The following CEP128 variants were observed in gnomAD, a reference collection of about 807,000 sequenced individuals.
The protein encoded by CEP128 is centrosomal protein 128kDa.
A neutral mutation model predicts 156.7 loss-of-function variants in CEP128; 132 were observed. The observed-to-expected ratio is 0.84, with a 90% confidence interval of 0.73 to 0.97. The LOEUF (loss-of-function observed/expected upper bound fraction) is 0.97, where lower values mean the gene tolerates loss of function less well. Ranked by LOEUF, CEP128 falls within the 50% of genes least tolerant of loss-of-function variation. The pLI, the probability that CEP128 is intolerant of heterozygous loss-of-function variation, is 0.00. For missense variants in CEP128, 1,252 were observed against 1,281.9 expected, an observed-to-expected ratio of 0.98 and a Z score of 0.36; for synonymous variants, 469 against 448.9, an observed-to-expected ratio of 1.04 and a Z score of -0.57.
rs374700489 is a variant in CEP128 at position 80,899,981 on chromosome 14, G to A, written c.529C>T (p.Arg177Cys). ...TCCCTGTTGAAATCATCTCCAAGGC[G>A]AATTTGTTCACTGCTGAGGTCTCGA... is the stretch of plus-strand genomic sequence containing the variant. ...SLRDLSSEQI[R>C]LGDDFNRELS... Residue 177 changes from arginine (R) to cysteine (C), a missense_variant, in exon 7 of 25, where the codon CGC (arginine) becomes TGC (cysteine). By Grantham distance (180) the Arg-to-Cys change is radical. Coordinates refer to ENST00000555265, the MANE Select transcript of CEP128 (RefSeq NM_152446.5). 2.0e-5 allele frequency: 33 copies of A among 1,613,650 alleles called. No homozygotes were observed. The highest frequency in any genetic ancestry group is 1.0e-4 in the Admixed American group (6 of 59,986).
Position 80,856,716 on chromosome 14 carries a change from TTTTC to T in CEP128, c.762+6037_762+6040del. Among the ~76,000 whole-genome samples the T allele has an allele frequency of 9.8e-5, 12 of 123,048 alleles. 1 individual carries two copies. Among genetic ancestry groups the T allele is most frequent in the African/African-American group, 4.8e-4 (11 of 22,700 alleles). The allele number at this position is 123,048 out of a possible 152,430, so 80.7% of individuals were successfully genotyped here. On this transcript the variant is annotated intron_variant, in intron 9 of 24. Transcript: ENST00000555265. ...GTCCAGCATTTATCTCATGTTTTTC[TTTTC>T]TTTTTTTTTTTTTTTTTTTTTTTTT...
In CEP128 at chr14:80,957,890, C is replaced by T. The variant is rs543240695; in HGVS notation, c.-172+288G>A. Reference sequence around the variant, plus strand: ...TAGTCTGAGGGAAGGCACTGAATCACAAGAAAAAGACATAAAGACAGTGGC... The same window carrying T: ...TAGTCTGAGGGAAGGCACTGAATCATAAGAAAAAGACATAAAGACAGTGGC... On this transcript the variant is annotated intron_variant, in intron 2 of 7. Transcript: ENST00000555529. 6 of 152,198 alleles carry T rather than the reference C, an allele frequency of 3.9e-5. No individual in the cohort carries two copies. In the South Asian group the frequency reaches 1.2e-3, roughly 32 times the overall value. The allele number at this position is 152,198 out of a possible 1,614,324, so 9.4% of individuals were successfully genotyped here. A position where few individuals can be genotyped will look rare whatever the true frequency, so the allele number is the denominator to read the frequency against.
intron 23 of CEP128, 77 bp downstream of exon 23, chr14:80,526,792 G>T: frequency 1.4e-6 from 1 of 732,824 alleles, no homozygotes; most frequent in Non-Finnish European, 2.4e-6. Flanking sequence ...CACAAACACT[G>T]CAGAGGCTGC....
At chr14:80,808,739 C>A (rs979476647) in intron 13 of CEP128, among the ~76,000 whole-genome samples, 2 of 152,038 alleles carry the variant, frequency 1.3e-5, no homozygotes, top group Non-Finnish European at 2.9e-5. Flanking sequence ...ACCAAGAAAA[C>A]AATGGATACC....
intron 19 of CEP128, among the ~76,000 whole-genome samples, chr14:80,632,355 T>C (rs1467439535): frequency 2.0e-5 from 3 of 149,610 alleles, no homozygotes; most frequent in Non-Finnish European, 4.4e-5. Context: ...AGTGAGTTTA[T>C]ATATACTAAG....
At chr14:80,954,900 T>G (rs1277953390) in intron 2 of CEP128, 2 of 152,578 alleles carry the variant, frequency 1.3e-5, no homozygotes, top group Non-Finnish European at 2.9e-5. Context: ...ATTTCTGCCA[T>G]TCCCGATTCT....
At chr14:80,706,554 T>C (rs545006411) in intron 19 of CEP128, among the ~76,000 whole-genome samples, 34 of 152,208 alleles carry the variant, frequency 2.2e-4, no homozygotes, top group Admixed American at 1.1e-3. Flanking sequence ...TAGTAAGCTG[T>C]CATTTATCTC....
Position 80,584,392 on chromosome 14 carries a change from C to T in CEP128, c.2807-3969G>A, listed in dbSNP as rs1364100111. Among the ~76,000 whole-genome samples the T allele has an allele frequency of 3.9e-5, 6 of 152,158 alleles. No individual in the cohort carries two copies. In the East Asian group the frequency reaches 9.7e-4, roughly 25 times the overall value. ...AACTCCTGACCTCAAGTGATCCGCC[C>T]GCCTCGGCCTCCCAAAGTGCTGAGA... On this transcript the variant is annotated intron_variant, in intron 19 of 24. Coordinates refer to ENST00000555265, the MANE Select transcript of CEP128 (RefSeq NM_152446.5).
intron 11 of CEP128, among the ~76,000 whole-genome samples, chr14:80,837,033 A>G (rs900659184): frequency 3.3e-5 from 5 of 152,236 alleles, no homozygotes; most frequent in Admixed American, 6.5e-5. Flanking sequence ...ATAAACTTCC[A>G]AAAAGGAAAG....
At chr14:80,554,852 T>G (rs1449101802) in intron 21 of CEP128, among the ~76,000 whole-genome samples, 6 of 152,090 alleles carry the variant, frequency 3.9e-5, no homozygotes, top group Non-Finnish European at 5.9e-5. Flanking sequence ...GGTTTTACTC[T>G]TTTAATTTCC....
At chr14:80,883,189 G>A (rs889915348) in intron 8 of CEP128, among the ~76,000 whole-genome samples, 5 of 151,694 alleles carry the variant, frequency 3.3e-5, no homozygotes, top group South Asian at 4.2e-4. Flanking sequence ...CTACCTACCC[G>A]CAAAATTTTA....
rs545375829 is a variant in CEP128 at position 80,926,650 on chromosome 14, C to T, written c.-15-10088G>A. 2.6e-5 allele frequency among the ~76,000 whole-genome samples: 4 copies of T among 152,276 alleles called. No homozygotes were observed. In the East Asian group the frequency reaches 7.7e-4, roughly 29 times the overall value. On this transcript the variant is annotated intron_variant, in intron 2 of 24. Coordinates refer to ENST00000555265, the MANE Select transcript of CEP128 (RefSeq NM_152446.5). ...TTGCCTGAGACACTAGAATACCTCC[C>T]CTGGGTAACATAAGGCAAGCACAAA...
chr14:80,665,310 A>G (rs1895567694), intron 19 of CEP128, among the ~76,000 whole-genome samples: 1 of 151,838 alleles, frequency 6.6e-6, no homozygotes, highest in African/African-American at 2.4e-5. Flanking sequence ...CCTAGGCTAA[A>G]GCAAAACAAA....
At chr14:80,611,701 A>G (rs951914790) in intron 19 of CEP128, among the ~76,000 whole-genome samples, 1 of 152,228 alleles carries the variant, frequency 6.6e-6, no homozygotes, top group African/African-American at 2.4e-5. Context: ...AAGTATTCCC[A>G]AAGTTAAATG....
chr14:80,673,534 T>C (rs1368743801), intron 19 of CEP128, among the ~76,000 whole-genome samples: 1 of 139,208 alleles, frequency 7.2e-6, no homozygotes, highest in Non-Finnish European at 1.5e-5. Flanking sequence ...TAGTCCCAGC[T>C]ACTTGGGAGG....
At chr14:80,600,872 A>G (rs1373515806) in intron 19 of CEP128, among the ~76,000 whole-genome samples, 1 of 152,132 alleles carries the variant, frequency 6.6e-6, no homozygotes, top group Non-Finnish European at 1.5e-5. Flanking sequence ...TACAAAGGAA[A>G]TATAAGGTAA....
chr14:80,594,826 G>A (rs1406054933), intron 19 of CEP128, among the ~76,000 whole-genome samples: 1 of 152,178 alleles, frequency 6.6e-6, no homozygotes, highest in East Asian at 1.9e-4. Context: ...GGAAACAACA[G>A]ATCCTGGAGA....
chr14:80,699,008 G>A (rs182710729), intron 19 of CEP128, among the ~76,000 whole-genome samples: 1 of 152,208 alleles, frequency 6.6e-6, no homozygotes, highest in Non-Finnish European at 1.5e-5. Context: ...TTTTAATATT[G>A]GATATGGAAT....
At chr14:80,857,474 C>T (rs992812476) in intron 9 of CEP128, among the ~76,000 whole-genome samples, 2 of 151,712 alleles carry the variant, frequency 1.3e-5, no homozygotes, top group African/African-American at 2.4e-5. Flanking sequence ...GGCTCCCTCC[C>T]GTAATCCCAG....
Sources: allele counts gnomAD v4.1 joint callset (sites outside exome capture counted in the v4.1 genomes callset), GRCh38; gene constraint gnomAD v4.1.1; transcripts MANE v1.5; gene names NCBI Gene and HGNC (gene_info 2026-07-23, HGNC 2026-07-21).